The following OR52K1 variants were observed in gnomAD, a reference collection of about 807,000 sequenced individuals.
The protein encoded by OR52K1 is olfactory receptor family 52 subfamily K member 1.
Under a neutral mutation model 8.7 loss-of-function variants are expected in OR52K1, and 10 were observed. That is an observed-to-expected ratio of 1.15 (90% CI 0.71 to 1.95). OR52K1 has a LOEUF of 1.95. Among genes scored for constraint, OR52K1 ranks in the 30% most tolerant of loss-of-function variants. OR52K1 has a pLI of 0.00. For synonymous variants in OR52K1, 203 were observed against 148.5 expected (o/e 1.37, Z -2.67); for missense variants, 431 against 397.2 (o/e 1.08, Z -0.72).
chr11:4,486,237 C>A (rs931995068), intron 1 of OR52K1, among the ~76,000 whole-genome samples: 2 of 152,198 alleles, frequency 1.3e-5, no homozygotes, highest in African/African-American at 4.8e-5. Context: ...AGGAAATCTA[C>A]ACTCCTTGGG....
At position 4,488,629 on chromosome 11, in the gene OR52K1, G is replaced by A. The variant is rs1378243358; in HGVS notation, c.-272G>A. ...CACTACATATACTCCATTCCTTTATGAAAGTTGTCTTAGAATATTAAATAT... is the reference window on the plus strand; with the variant it reads ...CACTACATATACTCCATTCCTTTATAAAAGTTGTCTTAGAATATTAAATAT... On this transcript the variant is annotated 5_prime_UTR_variant, in exon 2 of 2. It removes an upstream start codon present in the reference 5' UTR. Transcript: ENST00000641528. The A allele has an allele frequency of 2.4e-6, 1 of 414,012 alleles. No homozygotes were observed. The highest frequency in any genetic ancestry group is 4.5e-5 in the East Asian group (1 of 21,980). The allele number at this position is 414,012 out of a possible 1,614,324, so 25.6% of individuals were successfully genotyped here. A position where few individuals can be genotyped will look rare whatever the true frequency, so the allele number is the denominator to read the frequency against.
Position 4,489,611 on chromosome 11 carries a change from CA to C in OR52K1, c.713del (p.Lys238ArgfsTer10), listed in dbSNP as rs1846354992. 6.2e-7 allele frequency: 1 copy of C among 1,614,048 alleles called. No individual in the cohort carries two copies. The highest frequency in any genetic ancestry group is 1.3e-5 in the African/African-American group (1 of 74,938). On this transcript the variant is annotated frameshift_variant, in exon 2 of 2. Transcript: ENST00000641528. LOFTEE classifies it high-confidence loss of function. ...LQLASQEARY[K>X]AFGTCVSHIG... ...AGCTTGCCTCTCAGGAGGCCCGCTA[CA>C]AGGCATTTGGGACATGTGTGTCTCA...
intron 1 of OR52K1, among the ~76,000 whole-genome samples, chr11:4,485,845 G>A (rs560485903): frequency 6.6e-6 from 1 of 152,284 alleles, no homozygotes; most frequent in South Asian, 2.1e-4. Context: ...AAAGGCCTGT[G>A]GGGCCCTGTG....
At chr11:4,485,145 A>C (rs1846310996) in intron 1 of OR52K1, among the ~76,000 whole-genome samples, 1 of 152,222 alleles carries the variant, frequency 6.6e-6, no homozygotes, top group Non-Finnish European at 1.5e-5. Flanking sequence ...ACTTGTTAGT[A>C]AACTATATTC....
In OR52K1 at chr11:4,488,949, G is replaced by A. The variant is rs567461664; in HGVS notation, c.49G>A (p.Val17Ile). Residue 17 changes from valine to isoleucine, a missense_variant, in exon 2 of 2, where the codon GTA becomes ATA. Coordinates refer to ENST00000641528, the MANE Select transcript of OR52K1 (RefSeq NM_001005171.3). ...TSTHPAVFLL[V>I]GIPGLEHLHA... ...AACACATCCAGCTGTCTTTTTGTTG[G>A]TAGGAATTCCTGGTTTGGAACACCT... is the stretch of plus-strand genomic sequence containing the variant. 162 of 1,613,946 alleles carry A rather than the reference G, an allele frequency of 1.0e-4. No homozygotes were observed. Among genetic ancestry groups the A allele is most frequent in the Middle Eastern group, 8.2e-4 (5 of 6,062 alleles).
chr11:4,487,045 A>T (rs1384231734), intron 1 of OR52K1, among the ~76,000 whole-genome samples: 2 of 152,206 alleles, frequency 1.3e-5, no homozygotes, highest in Non-Finnish European at 2.9e-5. Context: ...GGGCACCATC[A>T]TCATGGAGGT....
rs1211810584 is a variant in OR52K1 at position 4,492,388 on chromosome 11, T to C, written c.*2543T>C. The C allele has an allele frequency of 6.6e-6, 1 of 152,240 alleles. No individual in the cohort carries two copies. The highest frequency in any genetic ancestry group is 1.9e-4 in the East Asian group (1 of 5,198). The allele number at this position is 152,240 out of a possible 1,614,324, so 9.4% of individuals were successfully genotyped here. A position where few individuals can be genotyped will look rare whatever the true frequency, so the allele number is the denominator to read the frequency against. The stretch of plus-strand genomic sequence containing the variant: ...TCATGATGAAGATCCATGGAGCAGA[T>C]GTGAATCTGACTCACTGCCTGTAGC... On this transcript the variant is annotated 3_prime_UTR_variant, in exon 2 of 2. Transcript: ENST00000641528.
rs1310714156 is a variant in OR52K1 at position 4,491,686 on chromosome 11, A to G, written c.*1841A>G. 1 of 152,004 alleles carries G rather than the reference A, an allele frequency of 6.6e-6. No homozygotes were observed. Among genetic ancestry groups the G allele is most frequent in the Non-Finnish European group, 1.5e-5 (1 of 67,986 alleles). 9.4% of individuals were successfully genotyped at this position (152,004 alleles called of 1,614,324 possible). On this transcript the variant is annotated 3_prime_UTR_variant, in exon 2 of 2. Transcript: ENST00000641528. ...TCTTTGCAAACTAAAAGGGGAATAG[A>G]AAAATAAAATACCACATGTTCTCAC...
Position 4,483,138 on chromosome 11 carries a change from A to T in OR52K1, c.-367A>T, listed in dbSNP as rs1267564427. The T allele has an allele frequency of 2.5e-6, 1 of 398,498 alleles. No individual in the cohort carries two copies. The highest frequency in any genetic ancestry group is 3.6e-5 in the East Asian group (1 of 28,096). The allele number at this position is 398,498 out of a possible 1,614,324, so 24.7% of individuals were successfully genotyped here. On this transcript the variant is annotated 5_prime_UTR_variant, in exon 1 of 2. Coordinates refer to ENST00000641528, the MANE Select transcript of OR52K1 (RefSeq NM_001005171.3). ...AAGGGCTTCTGCATTAGTCAAGAGG[A>T]AGAAAACGAGGCCTGAACTAGAAAG...
Position 4,489,667 on chromosome 11 carries a change from C to A in OR52K1, c.767C>A (p.Pro256Gln), listed in dbSNP as rs1846355927. 6.2e-7 allele frequency: 1 copy of A among 1,614,048 alleles called. No individual in the cohort carries two copies. Among genetic ancestry groups the A allele is most frequent in the African/African-American group, 1.3e-5 (1 of 74,914 alleles). Reference sequence around the variant, plus strand: ...GGTGCCATCCTGTCCACCTACACTCCAGTAGTCATCTCTTCAGTCATGCAC... The same window carrying A: ...GGTGCCATCCTGTCCACCTACACTCAAGTAGTCATCTCTTCAGTCATGCAC... ...HIGAILSTYTPVVISSVMHRV... is the reference protein window; with the variant it reads ...HIGAILSTYTQVVISSVMHRV... Residue 256 changes from proline (P) to glutamine (Q), a missense_variant, in exon 2 of 2, where the codon CCA (proline) becomes CAA (glutamine). Coordinates refer to ENST00000641528, the MANE Select transcript of OR52K1 (RefSeq NM_001005171.3).
chr11:4,490,550 T>C lies in OR52K1; in HGVS notation c.*705T>C, dbSNP rs1846366016. 1 of 152,256 alleles carries C rather than the reference T, an allele frequency of 6.6e-6. No homozygotes were observed. The highest frequency in any genetic ancestry group is 1.5e-5 in the Non-Finnish European group (1 of 68,072). The allele number at this position is 152,256 out of a possible 1,614,324, so 9.4% of individuals were successfully genotyped here. On this transcript the variant is annotated 3_prime_UTR_variant, in exon 2 of 2. Transcript: ENST00000641528. ...CCTCCAAAATACTTAGTAATATTTA[T>C]TAAATGAACGGATAGAAGAGCTGAA...
intron 1 of OR52K1, among the ~76,000 whole-genome samples, chr11:4,483,474 A>C (rs1846296623): frequency 1.3e-5 from 2 of 152,176 alleles, no homozygotes; most frequent in African/African-American, 2.4e-5. Context: ...TAGTTTCTGG[A>C]TATTAGGGGA....
chr11:4,492,264 G>A lies in OR52K1; in HGVS notation c.*2419G>A, dbSNP rs532062653. On this transcript the variant is annotated 3_prime_UTR_variant, in exon 2 of 2. Transcript: ENST00000641528. The stretch of plus-strand genomic sequence containing the variant: ...GAAGTGTAAATGAGAAATTGTGTTT[G>A]AGCTGCTAAAAAAAAAAAATAAACT... 2 of 143,760 alleles carry A rather than the reference G, an allele frequency of 1.4e-5. No homozygotes were observed. Among genetic ancestry groups the A allele is most frequent in the South Asian group, 4.7e-4 (2 of 4,230 alleles). The allele number at this position is 143,760 out of a possible 1,614,324, so 8.9% of individuals were successfully genotyped here.
rs1408181925 is a variant in OR52K1, at chr11:4,492,282, A to AG, written c.*2437_*2438insG. On this transcript the variant is annotated 3_prime_UTR_variant, in exon 2 of 2. Transcript: ENST00000641528. ...TGTGTTTGAGCTGCTAAAAAAAAAA[A>AG]ATAAACTTTAAAATATGGCTGGAAA... is the stretch of plus-strand genomic sequence containing the variant. 6.6e-6 allele frequency: 1 copy of AG among 152,166 alleles called. No homozygotes were observed. Among genetic ancestry groups the AG allele is most frequent in the Non-Finnish European group, 1.5e-5 (1 of 68,022 alleles). 9.4% of individuals were successfully genotyped at this position (152,166 alleles called of 1,614,324 possible).
intron 1 of OR52K1, among the ~76,000 whole-genome samples, chr11:4,485,962 G>A (rs1417869760): frequency 1.3e-5 from 2 of 152,228 alleles, no homozygotes; most frequent in East Asian, 1.9e-4. Context: ...ATGTCTTGGG[G>A]CATTTTCTCT....
chr11:4,483,213 A>T, intron 1 of OR52K1, 37 bp downstream of exon 1: 1 of 398,576 alleles, frequency 2.5e-6, no homozygotes, highest in Non-Finnish European at 4.4e-6. Flanking sequence ...CTTCTACCAG[A>T]AGCAGTCCTG....
chr11:4,489,559 A>T lies in OR52K1; in HGVS notation c.659A>T (p.Tyr220Phe), dbSNP rs1846354037. 4 of 1,614,000 alleles carry T rather than the reference A, an allele frequency of 2.5e-6. No individual in the cohort carries two copies. ...GACCTGCTCTTTGTTATCCTGTCTT[A>T]TGTCTTCATCCTTCAGGCAGTTCTC... Reference protein sequence around the residue: ...VLDLLFVILSYVFILQAVLQL... With the variant: ...VLDLLFVILSFVFILQAVLQL... Residue 220 changes from tyrosine (Y) to phenylalanine (F), a missense_variant, in exon 2 of 2, where the codon TAT (tyrosine) becomes TTT (phenylalanine). Coordinates refer to ENST00000641528, the MANE Select transcript of OR52K1 (RefSeq NM_001005171.3).
chr11:4,484,758 A>C lies in OR52K1; in HGVS notation c.-329+1582A>C, dbSNP rs926356989. ...GGAGCAGTATTCTCTTTCTTCGTCT[A>C]AGTTTCAACTTTTCCCCTACTACTG... On this transcript the variant is annotated intron_variant, in intron 1 of 1. Transcript: ENST00000641528. 3.3e-5 allele frequency among the ~76,000 whole-genome samples: 5 copies of C among 151,604 alleles called. No individual in the cohort carries two copies. In the East Asian group the frequency reaches 9.7e-4, roughly 29 times the overall value.
chr11:4,484,134 CTATG>C (rs1846302047), intron 1 of OR52K1, among the ~76,000 whole-genome samples: 1 of 152,140 alleles, frequency 6.6e-6, no homozygotes, highest in South Asian at 2.1e-4. Flanking sequence ...TGTTCCACAC[CTATG>C]TATGTTAGAG....
Sources: gnomAD v4.1 joint callset for allele counts (sites outside exome capture counted in the v4.1 genomes callset) on GRCh38, gnomAD v4.1.1 for gene constraint, MANE v1.5 for transcripts, NCBI Gene and HGNC (gene_info 2026-07-23, HGNC 2026-07-21) for gene names.